Variants in ALPK1 observed in about 807,000 individuals in gnomAD.
ALPK1 encodes the protein alpha-protein kinase 1.
In ALPK1, 110 loss-of-function variants were observed where a neutral mutation model predicts 120.6. The ratio of observed to expected loss-of-function variants is 0.91; its 90% CI spans 0.78 to 1.07. The LOEUF (loss-of-function observed/expected upper bound fraction) is 1.07, where lower values mean the gene tolerates loss of function less well. ALPK1 is among the 50% of genes least tolerant of loss of function. The pLI, the probability that ALPK1 is intolerant of heterozygous loss-of-function variation, is 0.00. For missense variants in ALPK1, 1,498 were observed against 1,483.9 expected (o/e 1.01, Z -0.16); for synonymous variants, 582 against 560.3 (o/e 1.04, Z -0.55).
intron 2 of ALPK1, among the ~76,000 whole-genome samples, chr4:112,370,223 T>C (rs990327929): frequency 6.6e-6 from 1 of 152,220 alleles, no homozygotes; most frequent in African/African-American, 2.4e-5. Context: ...AAGTTACCAA[T>C]AGAACTGAAG....
intron 10 of ALPK1, among the ~76,000 whole-genome samples, chr4:112,430,238 C>T (rs774817934): frequency 2.6e-5 from 4 of 152,190 alleles, no homozygotes; most frequent in Non-Finnish European, 5.9e-5. Context: ...CAGCCAGTCA[C>T]TTATATCCCC....
At chr4:112,367,944 C>T (rs1472078128) in intron 2 of ALPK1, among the ~76,000 whole-genome samples, 1 of 152,122 alleles carries the variant, frequency 6.6e-6, no homozygotes, top group Non-Finnish European at 1.5e-5. Flanking sequence ...CTCTGTTGCC[C>T]AGGCTGGAGT....
At chr4:112,352,188 G>C (rs1730390886) in intron 2 of ALPK1, among the ~76,000 whole-genome samples, 1 of 152,120 alleles carries the variant, frequency 6.6e-6, no homozygotes, top group Non-Finnish European at 1.5e-5. Flanking sequence ...ATCAAATGCG[G>C]AACAACTATC....
At chr4:112,304,199 A>G (rs1289147392) in intron 1 of ALPK1, among the ~76,000 whole-genome samples, 6 of 151,946 alleles carry the variant, frequency 3.9e-5, no homozygotes, top group African/African-American at 1.2e-4. Flanking sequence ...GAATAGTGCC[A>G]CAATAAACAT....
chr4:112,412,114 G>A (rs757383407), intron 5 of ALPK1, 89 bp downstream of exon 5: 168 of 1,506,432 alleles, frequency 1.1e-4, no homozygotes, highest in Non-Finnish European at 1.5e-4. Flanking sequence ...TGGGACACCC[G>A]GAGCACCCGG....
intron 9 of ALPK1, 27 bp downstream of exon 9, chr4:112,427,692 C>T (rs1403464781): frequency 1.3e-6 from 2 of 1,525,366 alleles, no homozygotes; most frequent in Non-Finnish European, 9.1e-7. Flanking sequence ...TGAGTGGCAT[C>T]ACCTGTAAAA....
Position 112,297,851 on chromosome 4 carries a change from TA to T in ALPK1, c.-153+391del, listed in dbSNP as rs934525207. ...TAAAGGATTGTTAGGATTATTTGTT[TA>T]AAAAAAAACTCTATGACTTTTGCCT... On this transcript the variant is annotated intron_variant, in intron 1 of 15. Coordinates refer to ENST00000650871, the MANE Select transcript of ALPK1 (RefSeq NM_025144.4). Among the ~76,000 whole-genome samples, 17 of 151,532 alleles carry T rather than the reference TA, an allele frequency of 1.1e-4. No individual in the cohort carries two copies. The East Asian group carries it at 1.4e-3, about 12-fold the overall frequency.
chr4:112,390,640 A>C (rs1474797191), intron 4 of ALPK1, among the ~76,000 whole-genome samples: 1 of 152,176 alleles, frequency 6.6e-6, no homozygotes, highest in Non-Finnish European at 1.5e-5. Flanking sequence ...AAACCGTATT[A>C]ATGTTATTTG....
At chr4:112,393,332 T>G (rs1386977821) in intron 4 of ALPK1, among the ~76,000 whole-genome samples, 1 of 152,182 alleles carries the variant, frequency 6.6e-6, no homozygotes, top group Admixed American at 6.5e-5. Flanking sequence ...AGGCTGGCAT[T>G]CCTTCATACT....
Position 112,431,227 on chromosome 4 carries a change from G to A in ALPK1, c.1680G>A (p.Ser560=), listed in dbSNP as rs770269543. ...ATGTGGAGACTGAGACTGAGCCATC[G>A]GACTACAGCAATGGTGAGGGAGCTG... The part of the protein sequence containing the change: ...DQDVETETEP[S]DYSNGEGAVF... The change falls in exon 11 of 16, where the codon TCG becomes TCA. Residue 560 remains serine (S), a synonymous_variant. Transcript: ENST00000650871. 9.3e-6 allele frequency: 15 copies of A among 1,614,044 alleles called. No individual in the cohort carries two copies. Among genetic ancestry groups the A allele is most frequent in the East Asian group, 4.5e-5 (2 of 44,886 alleles).
At chr4:112,434,741 T>TGGG (rs1734717428) in intron 11 of ALPK1, among the ~76,000 whole-genome samples, 1 of 152,220 alleles carries the variant, frequency 6.6e-6, no homozygotes, top group African/African-American at 2.4e-5. Flanking sequence ...CTGCCATCAG[T>TGGG]AGTAGCTTCT....
intron 10 of ALPK1, among the ~76,000 whole-genome samples, chr4:112,429,857 AAAG>A (rs1162078930): frequency 1.4e-5 from 2 of 144,942 alleles, no homozygotes. Flanking sequence ...AAAAAAAAGA[AAAG>A]AAAAGAGAAA....
chr4:112,439,460 T>C (rs1264189991), intron 13 of ALPK1, among the ~76,000 whole-genome samples: 1 of 152,194 alleles, frequency 6.6e-6, no homozygotes, highest in Non-Finnish European at 1.5e-5. Flanking sequence ...TAAATTTAAG[T>C]TCTATGACAT....
rs1391345329 is a variant in ALPK1 at position 112,429,060 on chromosome 4, G to A, written c.796-89G>A. 8.2e-6 allele frequency: 10 copies of A among 1,216,032 alleles called. No individual in the cohort carries two copies. In the East Asian group the frequency reaches 2.1e-4, roughly 26 times the overall value. The allele number at this position is 1,216,032 out of a possible 1,614,324, so 75.3% of individuals were successfully genotyped here. A position where few individuals can be genotyped will look rare whatever the true frequency, so the allele number is the denominator to read the frequency against. ...GCGGTGAGGAGTCCCTTGAAATCAT[G>A]AAAGAAAAGCAAAACCATTTCATAG... is the stretch of plus-strand genomic sequence containing the variant. On this transcript the variant is annotated intron_variant, in intron 9 of 15. Coordinates refer to ENST00000650871, the MANE Select transcript of ALPK1 (RefSeq NM_025144.4).
chr4:112,426,434 T>G (rs1022835827), intron 7 of ALPK1, 33 bp from the exon 8 acceptor site: 2 of 1,563,726 alleles, frequency 1.3e-6, no homozygotes, highest in Admixed American at 1.7e-5. Context: ...GTTCCTCCCC[T>G]GTCCCTCTCC....
rs1270108209 is a variant in ALPK1, at chr4:112,431,950, C to T, written c.2403C>T (p.Asp801=). Reference sequence around the variant, plus strand: ...AAAGCACTGAAGATGCACCCTTAGACTTTCACAGGGTCCTGCACAATTCTC... The same window carrying T: ...AAAGCACTGAAGATGCACCCTTAGATTTTCACAGGGTCCTGCACAATTCTC... ...TAESTEDAPL[D]FHRVLHNSLG... The change falls in exon 11 of 16, where the codon GAC becomes GAT. Residue 801 remains aspartate (D), a synonymous_variant. Transcript: ENST00000650871. 2 of 1,614,034 alleles carry T rather than the reference C, an allele frequency of 1.2e-6. No homozygotes were observed. Among genetic ancestry groups the T allele is most frequent in the African/African-American group, 2.7e-5 (2 of 74,948 alleles).
At chr4:112,374,889 C>T (rs1347406557) in intron 2 of ALPK1, among the ~76,000 whole-genome samples, 1 of 152,144 alleles carries the variant, frequency 6.6e-6, no homozygotes, top group African/African-American at 2.4e-5. Flanking sequence ...TATCCTGTTA[C>T]CAGGCTTAGT....
intron 2 of ALPK1, 125 bp from the exon 3 acceptor site, chr4:112,377,553 T>A (rs1731720683): frequency 3.0e-6 from 1 of 336,172 alleles, no homozygotes; most frequent in South Asian, 4.8e-5. Flanking sequence ...CACACTCCTC[T>A]AATAAAGTCC....
chr4:112,340,396 T>C (rs549316897), intron 2 of ALPK1, among the ~76,000 whole-genome samples: 3 of 152,342 alleles, frequency 2.0e-5, no homozygotes, highest in East Asian at 3.9e-4. Flanking sequence ...CTTATACTTT[T>C]CTGTCCTATG....
Sources: allele counts gnomAD v4.1 joint callset (sites outside exome capture counted in the v4.1 genomes callset), GRCh38; gene constraint gnomAD v4.1.1; transcripts MANE v1.5; gene names NCBI Gene and HGNC (gene_info 2026-07-23, HGNC 2026-07-21).